C15orf39: variants seen among roughly 807,000 people sequenced by gnomAD.
C15orf39 encodes the protein uncharacterized protein C15orf39.
A neutral mutation model predicts 53.9 loss-of-function variants in C15orf39; 24 were observed. That is an observed-to-expected ratio of 0.45 (90% confidence interval 0.32 to 0.63). The LOEUF (loss-of-function observed/expected upper bound fraction) is 0.63. C15orf39 is among the 20% of genes least tolerant of loss of function. The probability of loss-of-function intolerance (pLI) is 0.04; values close to 1 mark genes in which losing one functional copy is unlikely to be tolerated. For missense variants in C15orf39, 1,271 were observed against 1,347.9 expected, an observed-to-expected ratio of 0.94 and a Z score of 0.89; for synonymous variants, 569 against 576.5, an observed-to-expected ratio of 0.99 and a Z score of 0.19.
At chr15:75,203,148 G>C (rs866140308) in intron 1 of C15orf39, among the ~76,000 whole-genome samples, 3 of 152,250 alleles carry the variant, frequency 2.0e-5, no homozygotes, top group Non-Finnish European at 2.9e-5. Flanking sequence ...AATTGGGCAG[G>C]AATCGCGCTC....
In C15orf39 at chr15:75,211,087, C is replaced by T. The variant is rs750392455; in HGVS notation, c.3115C>T (p.Leu1039=). The part of the protein sequence containing the change: ...RPDQPSPCPQ[L]LDSQSHHL ...AGACCAGCCCTCACCCTGCCCACAG[C>T]TGCTGGACAGCCAGAGCCATCACCT... Residue 1039 remains leucine, a synonymous_variant, in exon 3 of 3, where the codon CTG becomes TTG. Transcript: ENST00000394987. 24 of 1,600,350 alleles carry T rather than the reference C, an allele frequency of 1.5e-5. No homozygotes were observed. The highest frequency in any genetic ancestry group is 1.8e-5 in the Non-Finnish European group (21 of 1,179,568).
chr15:75,207,008 GGGCAGCCCCTACCTGAGGCAGCA>G lies in C15orf39; in HGVS notation c.969_991del (p.Tyr324GlyfsTer53). ...GGACCGGGTACCAGGCTGGTGGGCT[GGGCAGCCCCTACCTGAGGCAGCA>G]GGCAGCCCAGGCACCTTACATTCCC... On this transcript the variant is annotated frameshift_variant, in exon 2 of 3. Coordinates refer to ENST00000394987, the MANE Select transcript of C15orf39 (RefSeq NM_015492.5). LOFTEE classifies it high-confidence loss of function. 1 of 1,602,376 alleles carries G rather than the reference GGGCAGCCCCTACCTGAGGCAGCA, an allele frequency of 6.2e-7. No homozygotes were observed. Among genetic ancestry groups the G allele is most frequent in the South Asian group, 1.1e-5 (1 of 89,226 alleles).
Position 75,207,141 on chromosome 15 carries a change from C to A in C15orf39, c.1093C>A (p.Pro365Thr). ...PGLKLEPPLT[P>T]RCPLDFAPQT... ...CCTCAAGCTGGAGCCGCCTCTCACTCCACGGTGCCCATTGGACTTTGCCCC... is the reference window on the plus strand; with the variant it reads ...CCTCAAGCTGGAGCCGCCTCTCACTACACGGTGCCCATTGGACTTTGCCCC... Residue 365 changes from proline (P) to threonine (T), a missense_variant, in exon 2 of 3, where the codon CCA (proline) becomes ACA (threonine). This residue lies in a region of C15orf39 where 994 missense variants were observed against 993.7 expected (regional missense o/e 1.00). Transcript: ENST00000394987. 1 of 1,613,866 alleles carries A rather than the reference C, an allele frequency of 6.2e-7. No individual in the cohort carries two copies. Among genetic ancestry groups the A allele is most frequent in the Non-Finnish European group, 8.5e-7 (1 of 1,180,002 alleles).
In C15orf39 at chr15:75,206,558, T is replaced by G. The variant is rs1212697944; in HGVS notation, c.510T>G (p.Ala170=). The part of the protein sequence containing the change: ...TLATGPLLPS[A]DPPCSLAPAP... The stretch of plus-strand genomic sequence containing the variant: ...CGACTGGGCCCCTGTTGCCCTCAGC[T>G]GACCCACCCTGCTCTCTGGCCCCAG... The change falls in exon 2 of 3, where the codon GCT becomes GCG. Residue 170 remains alanine, a synonymous_variant. Transcript: ENST00000394987. 1 of 1,613,912 alleles carries G rather than the reference T, an allele frequency of 6.2e-7. No homozygotes were observed. Among genetic ancestry groups the G allele is most frequent in the South Asian group, 1.1e-5 (1 of 91,072 alleles).
intron 2 of C15orf39, among the ~76,000 whole-genome samples, chr15:75,209,776 TC>T: frequency 6.6e-6 from 1 of 152,248 alleles, no homozygotes; most frequent in Middle Eastern, 3.4e-3. Context: ...TAGAAACTGT[TC>T]CTAGTTCCAT....
At chr15:75,205,845 T>TGTCAC (rs901593211) in intron 1 of C15orf39, among the ~76,000 whole-genome samples, 154 bp from the exon 2 acceptor site, 17 of 152,252 alleles carry the variant, frequency 1.1e-4, no homozygotes, top group Non-Finnish European at 1.5e-4. Flanking sequence ...TGGAAACCTC[T>TGTCAC]GTCACGTGGC....
Position 75,206,239 on chromosome 15 carries a change from C to T in C15orf39, c.191C>T (p.Ala64Val), listed in dbSNP as rs544261988. The T allele has an allele frequency of 4.0e-5, 64 of 1,614,060 alleles. No homozygotes were observed. The East Asian group carries it at 4.0e-4, about 10-fold the overall frequency. Residue 64 changes from alanine (A) to valine (V), a missense_variant, in exon 2 of 3, where the codon GCG becomes GTG. Physicochemically the swap from Ala to Val is moderately conservative, Grantham distance 64 (BLOSUM62 0). Transcript: ENST00000394987. ...CCTAAGGCCGAGTCTGAGCAGTTGG[C>T]GTCCTGGACCCCATACCCACCCTTG... is the stretch of plus-strand genomic sequence containing the variant. ...GTPKAESEQL[A>V]SWTPYPPLYS... is the part of the protein sequence containing the mutation.
At chr15:75,205,096 G>C (rs548088882) in intron 1 of C15orf39, among the ~76,000 whole-genome samples, 4 of 152,324 alleles carry the variant, frequency 2.6e-5, no homozygotes, top group Admixed American at 2.6e-4. Flanking sequence ...TTGGCTTTGG[G>C]CCTAGGGACC....
Position 75,211,140 on chromosome 15 carries a change from A to G in C15orf39, c.*24A>G, listed in dbSNP as rs778206251. 34 of 1,567,198 alleles carry G rather than the reference A, an allele frequency of 2.2e-5. No individual in the cohort carries two copies. The highest frequency in any genetic ancestry group is 1.6e-4 in the South Asian group (14 of 87,174). On this transcript the variant is annotated 3_prime_UTR_variant, in exon 3 of 3. Coordinates refer to ENST00000394987, the MANE Select transcript of C15orf39 (RefSeq NM_015492.5). Reference sequence around the variant, plus strand: ...AGCACTGGTTGCCAGTGCTGTGTGTATAGCAGTCACTCTCCACCCTTCCCT... The same window carrying G: ...AGCACTGGTTGCCAGTGCTGTGTGTGTAGCAGTCACTCTCCACCCTTCCCT...
rs954201313 is a variant in C15orf39, at chr15:75,206,516, T to G, written c.468T>G (p.Asp156Glu). Residue 156 changes from aspartate to glutamate, a missense_variant, in exon 2 of 3, where the codon GAT becomes GAG. This residue lies in a region of C15orf39 where 994 missense variants were observed against 993.7 expected (regional missense o/e 1.00). Transcript: ENST00000394987. ...LGEGAVKRPL[D>E]VDWTLATGPL... ...AAGGAGCAGTGAAGAGGCCACTGGA[T>G]GTTGACTGGACTCTGGCGACTGGGC... 16 of 1,613,908 alleles carry G rather than the reference T, an allele frequency of 9.9e-6. No individual in the cohort carries two copies. The highest frequency in any genetic ancestry group is 3.3e-4 in the Middle Eastern group (2 of 6,084).
intron 2 of C15orf39, 28 bp from the exon 3 acceptor site, chr15:75,210,721 G>A (rs373256483): frequency 1.3e-6 from 2 of 1,578,336 alleles, no homozygotes; most frequent in Non-Finnish European, 1.7e-6. Flanking sequence ...TATGGGGTCT[G>A]CAGGCTGACT....
upstream of C15orf39, among the ~76,000 whole-genome samples, chr15:75,199,384 G>A (rs950177129): frequency 2.0e-5 from 3 of 152,210 alleles, no homozygotes; most frequent in Admixed American, 2.0e-4. Flanking sequence ...GGAGGAGGCA[G>A]TGTCTATAGC....
In C15orf39 at chr15:75,206,081, G is replaced by T. The variant is rs771661306; in HGVS notation, c.33G>T (p.Gly11=). 2 of 1,611,852 alleles carry T rather than the reference G, an allele frequency of 1.2e-6. No homozygotes were observed. Among genetic ancestry groups the T allele is most frequent in the Non-Finnish European group, 1.7e-6 (2 of 1,179,026 alleles). MAEKRPLRTL[G]PVMYGKLPRL... ...AGAAGCGACCCCTGAGAACCCTGGG[G>T]CCTGTGATGTATGGCAAGCTGCCCC... The change falls in exon 2 of 3, where the codon GGG becomes GGT. Residue 11 remains glycine (G), a synonymous_variant. Transcript: ENST00000394987.
Position 75,210,813 on chromosome 15 carries a change from A to G in C15orf39, c.2841A>G (p.Pro947=), listed in dbSNP as rs1170214110. The G allele has an allele frequency of 6.2e-7, 1 of 1,613,896 alleles. No homozygotes were observed. The highest frequency in any genetic ancestry group is 8.5e-7 in the Non-Finnish European group (1 of 1,179,958). Residue 947 remains proline, a synonymous_variant, in exon 3 of 3, where the codon CCA becomes CCG. Coordinates refer to ENST00000394987, the MANE Select transcript of C15orf39 (RefSeq NM_015492.5). ...AGCCCACTGTGGCCAGAGGTGAGCC[A>G]GAGAGCCTAGCCCTGGCTCAGAAGT... ...SSEPTVARGE[P]ESLALAQKSP...
chr15:75,204,985 G>T (rs1484505467), intron 1 of C15orf39, among the ~76,000 whole-genome samples: 1 of 152,194 alleles, frequency 6.6e-6, no homozygotes, highest in Non-Finnish European at 1.5e-5. Context: ...TCCTGCGGAG[G>T]GGGAGGAGTG....
upstream of C15orf39, among the ~76,000 whole-genome samples, chr15:75,200,163 G>A (rs1595952339): frequency 6.6e-6 from 1 of 152,332 alleles, no homozygotes; most frequent in Non-Finnish European, 1.5e-5. Context: ...TTACAAAGTA[G>A]CTCCCAAGTC....
chr15:75,207,860 T>C lies in C15orf39; in HGVS notation c.1812T>C (p.Asp604=). 7 of 1,613,630 alleles carry C rather than the reference T, an allele frequency of 4.3e-6. No individual in the cohort carries two copies. Among genetic ancestry groups the C allele is most frequent in the African/African-American group, 1.3e-5 (1 of 75,056 alleles). Residue 604 remains aspartate, a synonymous_variant, in exon 2 of 3, where the codon GAT becomes GAC. Transcript: ENST00000394987. ...VEHAKPTAAM[D]VPDVGNMVSD... ...ATGCCAAGCCTACTGCAGCCATGGA[T>C]GTGCCAGATGTGGGCAACATGGTGT... is the stretch of plus-strand genomic sequence containing the variant.
Position 75,206,889 on chromosome 15 carries a change from C to G in C15orf39, c.841C>G (p.Gln281Glu). The G allele has an allele frequency of 6.7e-7, 1 of 1,483,648 alleles. No homozygotes were observed. Among genetic ancestry groups the G allele is most frequent in the South Asian group, 1.4e-5 (1 of 73,122 alleles). 91.9% of individuals were successfully genotyped at this position (1,483,648 alleles called of 1,614,324 possible). A position where few individuals can be genotyped will look rare whatever the true frequency, so the allele number is the denominator to read the frequency against. The stretch of plus-strand genomic sequence containing the variant: ...CCACCACCCACCACCCCACCCTCCA[C>G]AGGCCCTGCCTTGCCCTCCAGCCTG... ...PPHHPPPHPP[Q>E]ALPCPPACRH... is the part of the protein sequence containing the mutation. Residue 281 changes from glutamine (Q) to glutamate (E), a missense_variant, in exon 2 of 3, where the codon CAG (glutamine) becomes GAG (glutamate). Physicochemically the swap from Gln to Glu is conservative, Grantham distance 29. This residue lies in a region of C15orf39 where 994 missense variants were observed against 993.7 expected (regional missense o/e 1.00). Coordinates refer to ENST00000394987, the MANE Select transcript of C15orf39 (RefSeq NM_015492.5).
At chr15:75,209,051 C>G in intron 2 of C15orf39, 1 of 725,660 alleles carries the variant, frequency 1.4e-6, no homozygotes, top group East Asian at 3.1e-5. Context: ...GCTGCTCTGT[C>G]CCCATGGAAA....
Sources: allele counts gnomAD v4.1 joint callset (sites outside exome capture counted in the v4.1 genomes callset), GRCh38; gene constraint gnomAD v4.1.1; regional missense constraint gnomAD v4.1.1; transcripts MANE v1.5; gene names NCBI Gene and HGNC (gene_info 2026-07-23, HGNC 2026-07-21).